The following ADGRL3 variants were observed in gnomAD, a reference collection of about 807,000 sequenced individuals.
ADGRL3 encodes adhesion G protein-coupled receptor L3.
A neutral mutation model predicts 153.5 loss-of-function variants in ADGRL3; 62 were observed. The observed-to-expected ratio is 0.40, with a 90% CI of 0.33 to 0.50. The LOEUF (loss-of-function observed/expected upper bound fraction) is 0.50, where lower values mean the gene tolerates loss of function less well. Among genes scored for constraint, ADGRL3 ranks in the 20% least tolerant of loss-of-function variants. The pLI is 0.47. For synonymous variants in ADGRL3, 710 were observed against 672.5 expected, an observed-to-expected ratio of 1.06 and a Z score of -0.86; for missense variants, 1,641 against 1,859.4, an observed-to-expected ratio of 0.88 and a Z score of 2.16.
At chr4:62,017,827 C>A (rs1308981740) in intron 21 of ADGRL3, among the ~76,000 whole-genome samples, 5 of 152,022 alleles carry the variant, frequency 3.3e-5, no homozygotes, top group Non-Finnish European at 7.4e-5. Flanking sequence ...CTCTAAGTAA[C>A]CCTTTGTTGA....
At chr4:61,361,506 T>A (rs187856121) in intron 1 of ADGRL3, among the ~76,000 whole-genome samples, 1 of 152,256 alleles carries the variant, frequency 6.6e-6, no homozygotes, top group African/African-American at 2.4e-5. Context: ...TAGGCTTGAT[T>A]TCTAGTCCAG....
intron 5 of ADGRL3, among the ~76,000 whole-genome samples, chr4:61,621,236 A>G (rs2092488421): frequency 2.6e-5 from 4 of 151,980 alleles, no homozygotes; most frequent in Admixed American, 2.6e-4. Context: ...TGTCTCAATT[A>G]TATAGTTTAT....
At chr4:61,814,226 A>C (rs574043794) in intron 9 of ADGRL3, among the ~76,000 whole-genome samples, 296 of 143,242 alleles carry the variant, frequency 2.1e-3, no homozygotes, top group African/African-American at 7.3e-3. Flanking sequence ...CTACTATCTT[A>C]TTTTTTTTTT....
chr4:61,874,314 G>C (rs1046720950), intron 9 of ADGRL3, among the ~76,000 whole-genome samples: 1 of 152,094 alleles, frequency 6.6e-6, no homozygotes, highest in African/African-American at 2.4e-5. Flanking sequence ...TTGTCCCATG[G>C]CTCTCTTCTT....
chr4:61,893,054 C>T (rs2082446089), intron 10 of ADGRL3, 96 bp downstream of exon 10: 1 of 560,998 alleles, frequency 1.8e-6, no homozygotes, highest in Non-Finnish European at 2.8e-6. Flanking sequence ...TTCCTCCCTC[C>T]CTCCCTTCCT....
chr4:61,456,013 T>A (rs1337665761), intron 2 of ADGRL3, among the ~76,000 whole-genome samples: 1 of 151,766 alleles, frequency 6.6e-6, no homozygotes, highest in Non-Finnish European at 1.5e-5. Flanking sequence ...AGGGGGTTTC[T>A]CCACGTTGGC....
intron 2 of ADGRL3, among the ~76,000 whole-genome samples, chr4:61,466,657 C>T (rs1482236201): frequency 2.0e-5 from 3 of 152,072 alleles, no homozygotes; most frequent in South Asian, 2.1e-4. Context: ...TGTTTTAAGA[C>T]GTACCATGTA....
chr4:61,504,925 T>G (rs558843600), intron 3 of ADGRL3, among the ~76,000 whole-genome samples: 1 of 152,314 alleles, frequency 6.6e-6, no homozygotes, highest in South Asian at 2.1e-4. Flanking sequence ...AATATGAGAG[T>G]GCACATAGCT....
chr4:61,684,311 G>GTATTA (rs1263212817), intron 6 of ADGRL3, among the ~76,000 whole-genome samples: 1 of 152,070 alleles, frequency 6.6e-6, no homozygotes, highest in Non-Finnish European at 1.5e-5. Flanking sequence ...CAAATACAAA[G>GTATTA]TATTAGTTCC....
At chr4:61,747,811 CCT>C (rs1436245758) in intron 8 of ADGRL3, among the ~76,000 whole-genome samples, 244 of 151,522 alleles carry the variant, frequency 1.6e-3, no homozygotes, top group African/African-American at 5.8e-3. Context: ...ACAGGGATGC[CCT>C]CTCTCACCAC....
At chr4:62,064,046 T>G (rs1741636083) in intron 25 of ADGRL3, among the ~76,000 whole-genome samples, 1 of 152,098 alleles carries the variant, frequency 6.6e-6, no homozygotes, top group East Asian at 1.9e-4. Flanking sequence ...AAATCTTACT[T>G]TGTTATACCA....
At chr4:61,480,079 G>A (rs964726140) in intron 2 of ADGRL3, among the ~76,000 whole-genome samples, 1 of 152,020 alleles carries the variant, frequency 6.6e-6, no homozygotes, top group Non-Finnish European at 1.5e-5. Flanking sequence ...AGCATGTACT[G>A]TTATTAATGG....
chr4:61,765,248 A>C (rs2096962477), intron 8 of ADGRL3, among the ~76,000 whole-genome samples: 1 of 152,062 alleles, frequency 6.6e-6, no homozygotes, highest in Non-Finnish European at 1.5e-5. Flanking sequence ...ACTAGACAGA[A>C]GATAGTAGGG....
intron 5 of ADGRL3, among the ~76,000 whole-genome samples, chr4:61,663,333 A>T (rs1018939708): frequency 6.6e-6 from 1 of 152,222 alleles, no homozygotes; most frequent in African/African-American, 2.4e-5. Context: ...GGATTCCAGC[A>T]GAAACTGCAT....
At chr4:61,771,422 C>G (rs953610670) in intron 8 of ADGRL3, among the ~76,000 whole-genome samples, 2 of 152,140 alleles carry the variant, frequency 1.3e-5, no homozygotes, top group African/African-American at 4.8e-5. Context: ...AGATCAGCCT[C>G]CAGTTAAGCC....
At chr4:61,939,475 CTTT>C (rs1466839990) in intron 15 of ADGRL3, among the ~76,000 whole-genome samples, 1 of 136,124 alleles carries the variant, frequency 7.3e-6, no homozygotes. Context: ...TTTTTTTTTT[CTTT>C]TTTTTTTTTG....
chr4:61,721,144 T>G (rs1488404180), intron 6 of ADGRL3, among the ~76,000 whole-genome samples: 1 of 152,166 alleles, frequency 6.6e-6, no homozygotes, highest in Admixed American at 6.5e-5. Flanking sequence ...ATTAAGGTTC[T>G]CTAGAGGGAC....
chr4:61,552,086 C>A (rs780230173), intron 4 of ADGRL3, among the ~76,000 whole-genome samples: 1 of 152,098 alleles, frequency 6.6e-6, no homozygotes, highest in Admixed American at 6.6e-5. Context: ...GTTTAAAATA[C>A]GTGTGATTAT....
In ADGRL3 at chr4:61,801,931, T is replaced by C. The variant is rs550234980; in HGVS notation, c.1400-11878T>C. 1.0e-3 allele frequency among the ~76,000 whole-genome samples: 152 copies of C among 152,270 alleles called. 2 individuals are homozygous for C. In the Middle Eastern group the frequency reaches 0.01, roughly 10 times the overall value. ...TATGAGTGTTTCTCTCTCACTAGCA[T>C]GTGAAGTGATTTACCATGTTTTTTA... On this transcript the variant is annotated intron_variant, in intron 8 of 26. Transcript: ENST00000683033.
Sources: allele counts gnomAD v4.1 joint callset (sites outside exome capture counted in the v4.1 genomes callset), GRCh38; gene constraint gnomAD v4.1.1; transcripts MANE v1.5; gene names NCBI Gene and HGNC (gene_info 2026-07-23, HGNC 2026-07-21).